The following TPTE2 variants were observed in gnomAD, a reference collection of about 807,000 sequenced individuals.
TPTE2 encodes transmembrane phosphoinositide 3-phosphatase and tensin homolog 2, also known as phosphatidylinositol 3,4,5-trisphosphate 3-phosphatase TPTE2.
A neutral mutation model predicts 78.6 loss-of-function variants in TPTE2; 53 were observed. The observed-to-expected ratio is 0.67, with a 90% CI of 0.54 to 0.85. The LOEUF (loss-of-function observed/expected upper bound fraction) is 0.85, where lower values mean the gene tolerates loss of function less well. TPTE2 is among the 40% of genes least tolerant of loss of function. The pLI, the probability that TPTE2 is intolerant of heterozygous loss-of-function variation, is 0.00. For synonymous variants in TPTE2, 175 were observed against 206.2 expected (o/e 0.85, Z 1.30); for missense variants, 461 against 623.0 (o/e 0.74, Z 2.77).
At chr13:19,448,086 C>G (rs2137523770) in intron 13 of TPTE2, among the ~76,000 whole-genome samples, 1 of 152,302 alleles carries the variant, frequency 6.6e-6, no homozygotes, top group South Asian at 2.1e-4. Flanking sequence ...GGGGAAAGGA[C>G]AGTCTCTTCA....
intron 1 of TPTE2, among the ~76,000 whole-genome samples, chr13:19,513,785 T>C (rs1181456428): frequency 1.3e-5 from 2 of 152,184 alleles, no homozygotes; most frequent in Non-Finnish European, 2.9e-5. Flanking sequence ...CTGAACCAGA[T>C]CATGTGTGGC....
At chr13:19,445,888 C>T (rs953336298) in intron 13 of TPTE2, among the ~76,000 whole-genome samples, 9 of 152,210 alleles carry the variant, frequency 5.9e-5, no homozygotes, top group Non-Finnish European at 2.9e-5. Flanking sequence ...TTGCAATGAA[C>T]TGAGATCATG....
At chr13:19,501,291 G>GA (rs1868529897) in intron 1 of TPTE2, among the ~76,000 whole-genome samples, 1 of 89,978 alleles carries the variant, frequency 1.1e-5, no homozygotes, top group Non-Finnish European at 2.2e-5. Context: ...CACAGAATTG[G>GA]AAAAAACTAC....
the TPTE2 span, among the ~76,000 whole-genome samples, chr13:19,544,560 T>C: frequency 6.6e-6 from 1 of 152,210 alleles, no homozygotes; most frequent in African/African-American, 2.4e-5. Context: ...AAATCTCTAT[T>C]CATTAAAAAC....
In TPTE2 at chr13:19,511,833, A is replaced by G. The variant is rs538106844; in HGVS notation, c.-43-8556T>C. Among the ~76,000 whole-genome samples the G allele has an allele frequency of 2.0e-5, 3 of 151,478 alleles. No individual in the cohort carries two copies. In the East Asian group the frequency reaches 5.8e-4, roughly 29 times the overall value. ...CTCTCCTTATAATAGAATGATACTT[A>G]TTAAACACAGAAAAACCACTTTTTT... On this transcript the variant is annotated intron_variant, in intron 1 of 17. Transcript: ENST00000390680.
At chr13:19,547,728 T>C in the TPTE2 span, among the ~76,000 whole-genome samples, 2,554 of 145,934 alleles carry the variant, frequency 0.018, 105 homozygotes, top group Middle Eastern at 0.032. Context: ...TACATATATA[T>C]ATATATATAT....
At chr13:19,430,438 G>A (rs1208775336) in intron 17 of TPTE2, 30 bp downstream of exon 20, 1 of 1,549,994 alleles carries the variant, frequency 6.5e-7, no homozygotes, top group Admixed American at 1.7e-5. Context: ...ACAAACATCA[G>A]ATTTTTTCAA....
intron 1 of TPTE2, among the ~76,000 whole-genome samples, chr13:19,494,929 G>A (rs1227548537): frequency 2.6e-5 from 4 of 152,152 alleles, no homozygotes; most frequent in East Asian, 1.9e-4. Flanking sequence ...GACCTGGGAT[G>A]GCATTTGTCT....
chr13:19,450,732 T>G (rs546863102), intron 11 of TPTE2, among the ~76,000 whole-genome samples: 1 of 152,302 alleles, frequency 6.6e-6, no homozygotes, highest in East Asian at 1.9e-4. Context: ...GGTATTAAAC[T>G]GGGTTACAAC....
intron 16 of TPTE2, among the ~76,000 whole-genome samples, chr13:19,432,039 CT>C: frequency 1.7e-5 from 1 of 59,168 alleles, no homozygotes; most frequent in African/African-American, 4.9e-5. Flanking sequence ...AAATATGCCT[CT>C]AAAAGAAGGT....
At chr13:19,489,305 G>T (rs1387165903) in intron 3 of TPTE2, among the ~76,000 whole-genome samples, 1 of 152,038 alleles carries the variant, frequency 6.6e-6, no homozygotes, top group Non-Finnish European at 1.5e-5. Context: ...CAGGAGACTT[G>T]CTCAATGCAG....
rs71092363 is a variant in TPTE2 at position 19,467,353 on chromosome 13, TAAAA to T, written c.393-13_393-10del. ...AAAAATACTGCTGTCTCCTGTAATA[TAAAA>T]AAAAAAAAAAAAAAGTTCATTTCCC... On this transcript the variant is annotated splice_polypyrimidine_tract_variant and intron_variant, in intron 6 of 19. Coordinates refer to ENST00000400230, the Ensembl canonical transcript of TPTE2. The T allele has an allele frequency of 1.6e-3, 1,927 of 1,187,684 alleles. No homozygotes were observed. Among genetic ancestry groups the T allele is most frequent in the South Asian group, 4.9e-3 (213 of 43,910 alleles). The allele number at this position is 1,187,684 out of a possible 1,614,324, so 73.6% of individuals were successfully genotyped here. A position where few individuals can be genotyped will look rare whatever the true frequency, so the allele number is the denominator to read the frequency against.
chr13:19,457,503 T>G (rs1426201790), intron 10 of TPTE2, among the ~76,000 whole-genome samples: 2 of 152,138 alleles, frequency 1.3e-5, no homozygotes, highest in Non-Finnish European at 2.9e-5. Context: ...TAGCTATTCT[T>G]CCTGATGCTC....
intron 1 of TPTE2, among the ~76,000 whole-genome samples, chr13:19,522,619 C>T (rs113434542): frequency 1.0e-3 from 127 of 121,606 alleles, no homozygotes; most frequent in African/African-American, 2.5e-3. Flanking sequence ...CTTTTTTTTT[C>T]TTTTTTTTTT....
At chr13:19,446,418 C>G (rs1048659492) in intron 13 of TPTE2, among the ~76,000 whole-genome samples, 2 of 152,104 alleles carry the variant, frequency 1.3e-5, no homozygotes, top group African/African-American at 4.8e-5. Context: ...AACAAAATAG[C>G]ATGCAATTGA....
At chr13:19,426,643 C>T in intron 17 of TPTE2, 126 bp from the exon 21 acceptor site, 1 of 559,476 alleles carries the variant, frequency 1.8e-6, no homozygotes, top group Non-Finnish European at 3.2e-6. Context: ...TCACTACATG[C>T]ATAAATAATT....
chr13:19,441,718 T>G (rs1284064432), intron 13 of TPTE2, among the ~76,000 whole-genome samples: 36 of 152,198 alleles, frequency 2.4e-4, no homozygotes, highest in Admixed American at 2.4e-3. Flanking sequence ...GACATAATAT[T>G]GACAGCATTT....
intron 15 of TPTE2, among the ~76,000 whole-genome samples, chr13:19,434,686 T>C (rs1364505651): frequency 6.6e-6 from 1 of 152,128 alleles, no homozygotes; most frequent in Non-Finnish European, 1.5e-5. Context: ...TTAGGGCCGG[T>C]AGTTAGAGTG....
At chr13:19,493,716 G>A in intron 1 of TPTE2, 2 of 606,568 alleles carry the variant, frequency 3.3e-6, no homozygotes, top group Non-Finnish European at 6.0e-6. Context: ...AAATTGTAAT[G>A]CTTCCCGATT....
Sources: gnomAD v4.1 joint callset for allele counts (sites outside exome capture counted in the v4.1 genomes callset) on GRCh38, gnomAD v4.1.1 for gene constraint, MANE v1.5 for transcripts, NCBI Gene and HGNC (gene_info 2026-07-23, HGNC 2026-07-21) for gene names.